The following ZNF583 variants were observed in gnomAD, a reference collection of about 807,000 sequenced individuals.
ZNF583 encodes zinc finger protein L3-5.
Under a neutral mutation model 55.3 loss-of-function variants are expected in ZNF583, and 30 were observed. That is an observed-to-expected ratio of 0.54 (90% confidence interval 0.41 to 0.74). The LOEUF (loss-of-function observed/expected upper bound fraction) is 0.74. Among genes scored for constraint, ZNF583 ranks in the 30% least tolerant of loss-of-function variants. The pLI is 0.00. For missense variants in ZNF583, 504 were observed against 664.7 expected, an observed-to-expected ratio of 0.76 and a Z score of 2.66; for synonymous variants, 208 against 220.0, an observed-to-expected ratio of 0.95 and a Z score of 0.48.
At chr19:56,418,818 T>C (rs1381351480) in intron 4 of ZNF583, among the ~76,000 whole-genome samples, 1 of 152,242 alleles carries the variant, frequency 6.6e-6, no homozygotes, top group African/African-American at 2.4e-5. Context: ...GAAATGTACT[T>C]GTGCTGTTTC....
intron 2 of ZNF583, among the ~76,000 whole-genome samples, chr19:56,411,409 T>C (rs2042236336): frequency 6.6e-6 from 1 of 152,152 alleles, no homozygotes; most frequent in Admixed American, 6.6e-5. Flanking sequence ...AAAGTAAATA[T>C]AAAAAAATGT....
intron 2 of ZNF583, among the ~76,000 whole-genome samples, chr19:56,413,431 T>C (rs2042268637): frequency 6.6e-6 from 1 of 152,248 alleles, no homozygotes; most frequent in African/African-American, 2.4e-5. Flanking sequence ...TATTTAATTT[T>C]GGAAAGTCAA....
In ZNF583 at chr19:56,423,131, A is replaced by T. The variant is rs775853935; in HGVS notation, c.473A>T (p.Tyr158Phe). The change falls in exon 5 of 5, where the codon TAT becomes TTT. Residue 158 changes from tyrosine to phenylalanine, a missense_variant. This residue lies in a region of ZNF583 where 204 missense variants were observed against 235.2 expected (regional missense o/e 0.87). Transcript: ENST00000333201. ...EILPEVQNKEYNKSWQTFHQD... is the reference protein window; with the variant it reads ...EILPEVQNKEFNKSWQTFHQD... The stretch of plus-strand genomic sequence containing the variant: ...CTTCCAGAAGTTCAAAATAAAGAAT[A>T]TAACAAATCTTGGCAAACATTCCAC... The T allele has an allele frequency of 5.6e-6, 9 of 1,611,834 alleles. No homozygotes were observed. Among genetic ancestry groups the T allele is most frequent in the Non-Finnish European group, 6.8e-6 (8 of 1,179,510 alleles).
In ZNF583 at chr19:56,414,443, G is replaced by T. The variant is rs2042287198; in HGVS notation, c.232+3G>T. 6.2e-7 allele frequency: 1 copy of T among 1,612,058 alleles called. No individual in the cohort carries two copies. The highest frequency in any genetic ancestry group is 1.3e-5 in the African/African-American group (1 of 74,734). On this transcript the variant is annotated splice_donor_region_variant and intron_variant, in intron 4 of 4. Coordinates refer to ENST00000333201, the MANE Select transcript of ZNF583 (RefSeq NM_152478.3). ...GGGAACAAGAGGCCCATGCCCTGGTGAGTGAGAGAGAAATAGGGAGACAGA... is the reference window on the plus strand; with the variant it reads ...GGGAACAAGAGGCCCATGCCCTGGTTAGTGAGAGAGAAATAGGGAGACAGA...
Position 56,404,608 on chromosome 19 carries a change from TG to T in ZNF583, c.-90+157del, listed in dbSNP as rs2042115979. Reference sequence around the variant, plus strand: ...TCGTGTGTGAGACCATGTGTGACTGTGTGAGAATTTGAGACCGTGTGTGACA... The same window carrying T: ...TCGTGTGTGAGACCATGTGTGACTGTTGAGAATTTGAGACCGTGTGTGACA... On this transcript the variant is annotated intron_variant, in intron 1 of 4. Coordinates refer to ENST00000333201, the MANE Select transcript of ZNF583 (RefSeq NM_152478.3). This position sits in a 1 kb window ranked among gnomAD's most constrained non-coding sequence, Gnocchi z 5.2. Among the ~76,000 whole-genome samples the T allele has an allele frequency of 6.6e-6, 1 of 151,856 alleles. No individual in the cohort carries two copies. Among genetic ancestry groups the T allele is most frequent in the Non-Finnish European group, 1.5e-5 (1 of 67,912 alleles).
At chr19:56,414,603 TTCTC>T (rs1218315493) in intron 4 of ZNF583, 163 bp downstream of exon 4, 15 of 610,354 alleles carry the variant, frequency 2.5e-5, no homozygotes, top group Admixed American at 1.5e-4. Flanking sequence ...CCTCAATTTG[TTCTC>T]TCTGTCTATA....
At position 56,426,755 on chromosome 19, in the gene ZNF583, C is replaced by T. The variant is rs1414763451; in HGVS notation, c.*2387C>T. On this transcript the variant is annotated 3_prime_UTR_variant, in exon 5 of 5. Coordinates refer to ENST00000333201, the MANE Select transcript of ZNF583 (RefSeq NM_152478.3). ...TTAATAAAACTGCATTGAAAGCATACAAAAAGAGATACTATGCACTAATTT... is the reference window on the plus strand; with the variant it reads ...TTAATAAAACTGCATTGAAAGCATATAAAAAGAGATACTATGCACTAATTT... 6.6e-6 allele frequency: 1 copy of T among 151,784 alleles called. No individual in the cohort carries two copies. The highest frequency in any genetic ancestry group is 1.5e-5 in the Non-Finnish European group (1 of 67,950). 9.4% of individuals were successfully genotyped at this position (151,784 alleles called of 1,614,324 possible). A position where few individuals can be genotyped will look rare whatever the true frequency, so the allele number is the denominator to read the frequency against.
Position 56,414,359 on chromosome 19 carries a change from A to C in ZNF583, c.151A>C (p.Lys51Gln). 6.2e-7 allele frequency: 1 copy of C among 1,614,148 alleles called. No homozygotes were observed. The highest frequency in any genetic ancestry group is 1.1e-5 in the South Asian group (1 of 91,084). ...TTTGTAAGCAGGAGTTTCTGTTTCTAAGCCAGATGTGATCTCATTATTGGA... is the reference window on the plus strand; with the variant it reads ...TTTGTAAGCAGGAGTTTCTGTTTCTCAGCCAGATGTGATCTCATTATTGGA... ...SLVSLGVSVS[K>Q]PDVISLLEQG... The change falls in exon 4 of 5, where the codon AAG becomes CAG. Residue 51 changes from lysine to glutamine, a missense_variant. Around this residue, in one of 3 missense-constraint regions of ZNF583, gnomAD observed 204 missense variants for 235.2 expected, o/e 0.87. Transcript: ENST00000333201.
In ZNF583 at chr19:56,423,329, G is replaced by A. The variant is rs2042449141; in HGVS notation, c.671G>A (p.Ser224Asn). ...GATTGTGAGAAAGTCTTCAACCAGA[G>A]CTCATCCCTTACTCTTCATCAGAGA... is the stretch of plus-strand genomic sequence containing the variant. ...CNDCEKVFNQ[S>N]SSLTLHQRIH... The change falls in exon 5 of 5, where the codon AGC becomes AAC. Residue 224 changes from serine (S) to asparagine (N), a missense_variant. Physicochemically the swap from Ser to Asn is conservative, Grantham distance 46. Transcript: ENST00000333201. 1 of 1,613,532 alleles carries A rather than the reference G, an allele frequency of 6.2e-7. No individual in the cohort carries two copies. Among genetic ancestry groups the A allele is most frequent in the Admixed American group, 1.7e-5 (1 of 59,910 alleles).
At chr19:56,407,243 G>A (rs1448155410) in intron 2 of ZNF583, 120 bp downstream of exon 2, 10 of 1,131,450 alleles carry the variant, frequency 8.8e-6, no homozygotes, top group Middle Eastern at 2.9e-4. Flanking sequence ...CCAGTGACTC[G>A]TTCCTCATAT....
rs1176369105 is a variant in ZNF583, at chr19:56,424,465, T to C, written c.*97T>C. 1 of 630,768 alleles carries C rather than the reference T, an allele frequency of 1.6e-6. No individual in the cohort carries two copies. The highest frequency in any genetic ancestry group is 2.8e-6 in the Non-Finnish European group (1 of 357,008). The allele number at this position is 630,768 out of a possible 1,614,324, so 39.1% of individuals were successfully genotyped here. On this transcript the variant is annotated 3_prime_UTR_variant, in exon 5 of 5. Coordinates refer to ENST00000333201, the MANE Select transcript of ZNF583 (RefSeq NM_152478.3). Reference sequence around the variant, plus strand: ...GACATGGGATACTCGAGTAGCTTTCTAATTGGTCTCCTTGTACTCACCATT... The same window carrying C: ...GACATGGGATACTCGAGTAGCTTTCCAATTGGTCTCCTTGTACTCACCATT...
In ZNF583 at chr19:56,422,992, A is replaced by G. The variant is rs764029917; in HGVS notation, c.334A>G (p.Ser112Gly). 5.0e-6 allele frequency: 8 copies of G among 1,614,008 alleles called. No individual in the cohort carries two copies. In the Admixed American group the frequency reaches 1.2e-4, roughly 24 times the overall value. Residue 112 changes from serine (S) to glycine (G), a missense_variant, in exon 5 of 5, where the codon AGC (serine) becomes GGC (glycine). Around this residue, in one of 3 missense-constraint regions of ZNF583, gnomAD observed 204 missense variants for 235.2 expected, o/e 0.87. Coordinates refer to ENST00000333201, the MANE Select transcript of ZNF583 (RefSeq NM_152478.3). ...VTVGARHLSY[S>G]LDYPSLREDC... ...AGTGGGAGCAAGACATCTTAGTTAT[A>G]GCCTTGACTATCCCAGTTTGAGAGA...
chr19:56,408,987 C>A lies in ZNF583; in HGVS notation c.9+1864C>A, dbSNP rs141601460. 2.0e-3 allele frequency among the ~76,000 whole-genome samples: 297 copies of A among 150,658 alleles called. 3 individuals are homozygous for A. Among genetic ancestry groups the A allele is most frequent in the Admixed American group, 0.017 (259 of 15,098 alleles). ...TGGACTTTTGCATTTGCCCCCCCAT[C>A]CCCCTACATGTTGACATAGCTTGCT... On this transcript the variant is annotated intron_variant, in intron 2 of 4. Transcript: ENST00000333201.
At chr19:56,420,047 TG>T (rs1300946213) in intron 4 of ZNF583, among the ~76,000 whole-genome samples, 2 of 152,218 alleles carry the variant, frequency 1.3e-5, no homozygotes, top group African/African-American at 4.8e-5. Context: ...GACTTTTAGT[TG>T]TTTTCTAACA....
At chr19:56,408,221 A>G (rs540275947) in intron 2 of ZNF583, among the ~76,000 whole-genome samples, 3 of 152,318 alleles carry the variant, frequency 2.0e-5, no homozygotes, top group South Asian at 4.1e-4. Context: ...AAATATATAT[A>G]TATACACACA....
chr19:56,423,509 C>G lies in ZNF583; in HGVS notation c.851C>G (p.Ala284Gly). 6.2e-7 allele frequency: 1 copy of G among 1,613,816 alleles called. No individual in the cohort carries two copies. Among genetic ancestry groups the G allele is most frequent in the Non-Finnish European group, 8.5e-7 (1 of 1,179,898 alleles). ...RKAFSQNAHL[A>G]QHQRVHTGEK... ...GCCTTCAGCCAGAATGCACACCTGG[C>G]CCAACATCAGAGAGTTCATACTGGA... The change falls in exon 5 of 5, where the codon GCC (alanine) becomes GGC (glycine). Residue 284 changes from alanine to glycine, a missense_variant. Around this residue, in one of 3 missense-constraint regions of ZNF583, gnomAD observed 237 missense variants for 373.0 expected, o/e 0.64. Transcript: ENST00000333201.
chr19:56,414,440 G>T lies in ZNF583; in HGVS notation c.232G>T (p.Asp78Tyr). ...KKEGTRGPCP[D>Y]WEYVFKNSEF... ...GGAGGGAACAAGAGGCCCATGCCCT[G>T]GTGAGTGAGAGAGAAATAGGGAGAC... The change falls in exon 4 of 5, where the codon GAT becomes TAT. Residue 78 changes from aspartate (D) to tyrosine (Y), a missense_variant and splice_region_variant. Physicochemically the swap from Asp to Tyr is radical, Grantham distance 160 (BLOSUM62 -3). Around this residue, in one of 3 missense-constraint regions of ZNF583, gnomAD observed 204 missense variants for 235.2 expected, o/e 0.87. Coordinates refer to ENST00000333201, the MANE Select transcript of ZNF583 (RefSeq NM_152478.3). 1 of 1,613,102 alleles carries T rather than the reference G, an allele frequency of 6.2e-7. No homozygotes were observed. Among genetic ancestry groups the T allele is most frequent in the Non-Finnish European group, 8.5e-7 (1 of 1,179,546 alleles).
intron 4 of ZNF583, among the ~76,000 whole-genome samples, chr19:56,418,253 G>A (rs1022878919): frequency 6.6e-6 from 1 of 152,034 alleles, no homozygotes; most frequent in Non-Finnish European, 1.5e-5. Context: ...ATATAAGTAT[G>A]GTTTATTAAG....
intron 2 of ZNF583, among the ~76,000 whole-genome samples, chr19:56,408,689 GTGA>G (rs554814860): frequency 2.2e-3 from 337 of 152,296 alleles, no homozygotes; most frequent in African/African-American, 6.7e-3. Flanking sequence ...ATGATGATGA[GTGA>G]TGATATGAAA....
Sources: gnomAD v4.1 joint callset for allele counts (sites outside exome capture counted in the v4.1 genomes callset) on GRCh38, gnomAD v4.1.1 for gene constraint, gnomAD v4.1.1 regional missense constraint, Gnocchi (gnomAD v3.1) non-coding constraint, MANE v1.5 for transcripts, NCBI Gene and HGNC (gene_info 2026-07-23, HGNC 2026-07-21) for gene names.